Variants in GAS2 observed in about 807,000 individuals in gnomAD.
The protein encoded by GAS2 is growth arrest-specific protein 2.
GAS2 carries 20 observed loss-of-function variants against 37.5 expected under a neutral mutation model. The observed-to-expected ratio is 0.53, with a 90% CI of 0.37 to 0.77. GAS2 has a LOEUF of 0.77. Ranked by LOEUF, GAS2 falls within the 30% of genes least tolerant of loss-of-function variation. The probability of loss-of-function intolerance (pLI) is 0.00; values close to 1 mark genes in which losing one functional copy is unlikely to be tolerated. For missense variants in GAS2, 336 were observed against 373.4 expected, an observed-to-expected ratio of 0.90 and a Z score of 0.82; for synonymous variants, 144 against 132.2, an observed-to-expected ratio of 1.09 and a Z score of -0.61.
At chr11:22,798,671 A>G (rs1856535484) in intron 7 of GAS2, among the ~76,000 whole-genome samples, 1 of 152,114 alleles carries the variant, frequency 6.6e-6, no homozygotes, top group Non-Finnish European at 1.5e-5. Flanking sequence ...ATCGCACGTA[A>G]CTAGAGAAGT....
intron 3 of GAS2, among the ~76,000 whole-genome samples, chr11:22,697,691 A>T (rs1200181750): frequency 6.6e-6 from 1 of 152,066 alleles, no homozygotes; most frequent in Non-Finnish European, 1.5e-5. Context: ...TAGGTATTTT[A>T]TTCTCTTTGA....
chr11:22,710,503 CTG>C (rs200794828), intron 3 of GAS2, among the ~76,000 whole-genome samples: 4,901 of 136,158 alleles, frequency 0.036, 78 homozygotes, highest in African/African-American at 0.05. Context: ...GTGTGTGTGT[CTG>C]TGTGTGTCTG....
intron 4 of GAS2, among the ~76,000 whole-genome samples, chr11:22,729,552 A>G (rs950321062): frequency 4.6e-5 from 7 of 151,874 alleles, no homozygotes; most frequent in Non-Finnish European, 1.5e-5. Context: ...TTTCCTCTGT[A>G]AAATGTCAGT....
intron 1 of GAS2, among the ~76,000 whole-genome samples, chr11:22,652,152 A>G (rs1848784289): frequency 6.6e-6 from 1 of 152,108 alleles, no homozygotes. Context: ...GGACCCTCAG[A>G]TAGACAGGTC....
intron 7 of GAS2, among the ~76,000 whole-genome samples, chr11:22,775,802 T>G (rs1032364760): frequency 1.3e-5 from 2 of 152,222 alleles, no homozygotes; most frequent in Admixed American, 6.5e-5. Flanking sequence ...CTCCAGATGT[T>G]ATTCAGATTC....
At chr11:22,640,673 T>C (rs980299024) in intron 1 of GAS2, among the ~76,000 whole-genome samples, 4 of 152,212 alleles carry the variant, frequency 2.6e-5, no homozygotes, top group African/African-American at 9.6e-5. Context: ...AATGAGAATT[T>C]TAAATGTTAG....
At chr11:22,644,765 G>A (rs1337256730) in intron 1 of GAS2, among the ~76,000 whole-genome samples, 1 of 152,032 alleles carries the variant, frequency 6.6e-6, no homozygotes, top group Admixed American at 6.6e-5. Context: ...GGGACTATAG[G>A]CATGCACCAC....
At chr11:22,778,523 T>C (rs185459409) in intron 7 of GAS2, among the ~76,000 whole-genome samples, 44 of 152,288 alleles carry the variant, frequency 2.9e-4, no homozygotes, top group African/African-American at 1.0e-3. Context: ...TCCAAGGAAG[T>C]GATATTTGAA....
At chr11:22,782,023 ATGGGG>A (rs1275771141) in intron 7 of GAS2, among the ~76,000 whole-genome samples, 1 of 152,226 alleles carries the variant, frequency 6.6e-6, no homozygotes. Context: ...ATTAGTTAAA[ATGGGG>A]ACCAAGTTAT....
chr11:22,774,790 A>G (rs546492493), intron 7 of GAS2, among the ~76,000 whole-genome samples: 42 of 151,046 alleles, frequency 2.8e-4, no homozygotes, highest in Middle Eastern at 3.4e-3. Context: ...TTTTTCTGTT[A>G]ATCTGGATTT....
At chr11:22,677,784 C>G (rs1849497407) in intron 2 of GAS2, among the ~76,000 whole-genome samples, 1 of 152,140 alleles carries the variant, frequency 6.6e-6, no homozygotes, top group Non-Finnish European at 1.5e-5. Flanking sequence ...CCCAAAGTCA[C>G]TCAGCTATCT....
intron 3 of GAS2, among the ~76,000 whole-genome samples, chr11:22,715,978 T>C (rs1203566288): frequency 1.3e-5 from 2 of 152,154 alleles, no homozygotes; most frequent in Admixed American, 6.5e-5. Flanking sequence ...TTTGACAGCA[T>C]ATCCAAAACA....
At chr11:22,675,566 A>G (rs1356065727) in intron 2 of GAS2, among the ~76,000 whole-genome samples, 1 of 152,092 alleles carries the variant, frequency 6.6e-6, no homozygotes, top group Non-Finnish European at 1.5e-5. Context: ...ACTTTTGCTG[A>G]CCTCATGCTA....
intron 1 of GAS2, among the ~76,000 whole-genome samples, chr11:22,645,218 AT>A (rs1848675268): frequency 6.6e-6 from 1 of 151,944 alleles, no homozygotes; most frequent in African/African-American, 2.4e-5. Context: ...GATTAAAAAT[AT>A]GTATATATGG....
At chr11:22,727,053 G>A (rs1852251006) in intron 4 of GAS2, among the ~76,000 whole-genome samples, 1 of 151,994 alleles carries the variant, frequency 6.6e-6, no homozygotes, top group South Asian at 2.1e-4. Context: ...TTGAATTTAG[G>A]CAAAGTCACT....
chr11:22,776,019 G>A (rs949825075), intron 7 of GAS2, among the ~76,000 whole-genome samples: 2 of 152,182 alleles, frequency 1.3e-5, no homozygotes, highest in African/African-American at 4.8e-5. Context: ...TACCCAGAAA[G>A]CATTGATTCC....
At chr11:22,686,263 T>C (rs1849941421) in intron 3 of GAS2, among the ~76,000 whole-genome samples, 1 of 152,190 alleles carries the variant, frequency 6.6e-6, no homozygotes, top group South Asian at 2.1e-4. Context: ...ATTATTTTAT[T>C]TCTAACTGCT....
chr11:22,792,345 A>G (rs933658188), intron 7 of GAS2, among the ~76,000 whole-genome samples: 4 of 152,236 alleles, frequency 2.6e-5, no homozygotes, highest in African/African-American at 9.6e-5. Flanking sequence ...ATTTTTCTCT[A>G]CTACCTGTGT....
At chr11:22,634,007 G>A (rs1489596148) in intron 1 of GAS2, among the ~76,000 whole-genome samples, 4 of 152,178 alleles carry the variant, frequency 2.6e-5, no homozygotes, top group African/African-American at 9.7e-5. Context: ...GCAAGAGGAA[G>A]TGTATTAGTC....
Sources: allele counts gnomAD v4.1 joint callset (sites outside exome capture counted in the v4.1 genomes callset), GRCh38; gene constraint gnomAD v4.1.1; transcripts MANE v1.5; gene names NCBI Gene and HGNC (gene_info 2026-07-23, HGNC 2026-07-21).